Variants in CPSF2 observed in about 807,000 individuals in gnomAD.
CPSF2 encodes cleavage and polyadenylation specificity factor subunit 2.
A neutral mutation model predicts 84.2 loss-of-function variants in CPSF2; 51 were observed. The ratio of observed to expected loss-of-function variants is 0.61; its 90% CI spans 0.48 to 0.77. CPSF2 has a LOEUF of 0.77. Ranked by LOEUF, CPSF2 falls within the 30% of genes least tolerant of loss-of-function variation. CPSF2 has a pLI of 0.00. For synonymous variants in CPSF2, 286 were observed against 311.9 expected (o/e 0.92, Z 0.87); for missense variants, 641 against 929.4 (o/e 0.69, Z 4.03).
At chr14:92,122,613 A>G (rs1378825299) in intron 1 of CPSF2, among the ~76,000 whole-genome samples, 1 of 152,202 alleles carries the variant, frequency 6.6e-6, no homozygotes, top group Non-Finnish European at 1.5e-5. Flanking sequence ...ACCACACTGT[A>G]CTAAAAGGGT....
intron 6 of CPSF2, among the ~76,000 whole-genome samples, chr14:92,136,508 C>T (rs940452475): frequency 1.5e-4 from 23 of 152,120 alleles, no homozygotes; most frequent in African/African-American, 5.6e-4. Context: ...TGTGATTAGA[C>T]ACATCTGAAG....
rs1178469522 is a variant in CPSF2, at chr14:92,161,914, A to C, written c.*170A>C. The C allele has an allele frequency of 4.0e-6, 2 of 502,114 alleles. No homozygotes were observed. The highest frequency in any genetic ancestry group is 6.9e-6 in the Non-Finnish European group (2 of 290,678). The allele number at this position is 502,114 out of a possible 1,614,324, so 31.1% of individuals were successfully genotyped here. Reference sequence around the variant, plus strand: ...AATAGAGAACATTTTGCAAATGCTCAAATGAGCATTCTATCTTTTGGCTTT... The same window carrying C: ...AATAGAGAACATTTTGCAAATGCTCCAATGAGCATTCTATCTTTTGGCTTT... On this transcript the variant is annotated 3_prime_UTR_variant, in exon 16 of 16. Coordinates refer to ENST00000298875, the MANE Select transcript of CPSF2 (RefSeq NM_017437.3).
intron 9 of CPSF2, among the ~76,000 whole-genome samples, chr14:92,147,384 A>G (rs1048242423): frequency 6.6e-6 from 1 of 152,248 alleles, no homozygotes; most frequent in Non-Finnish European, 1.5e-5. Context: ...GATTTGGATT[A>G]GAAAAAGGAG....
At chr14:92,151,975 C>A in intron 9 of CPSF2, among the ~76,000 whole-genome samples, 1 of 147,876 alleles carries the variant, frequency 6.8e-6, no homozygotes. Context: ...TGCACCACTG[C>A]ACTCCAGCCT....
rs534461005 is a variant in CPSF2, at chr14:92,157,895, C to T, written c.1821+11C>T. 6.4e-7 allele frequency: 1 copy of T among 1,574,274 alleles called. No individual in the cohort carries two copies. The highest frequency in any genetic ancestry group is 2.2e-5 in the East Asian group (1 of 44,660). ...ACTCACATCTACCAGGTAAACATGCCAGGAGTTGCCATTGAGTAGAAATAA... is the reference window on the plus strand; with the variant it reads ...ACTCACATCTACCAGGTAAACATGCTAGGAGTTGCCATTGAGTAGAAATAA... On this transcript the variant is annotated intron_variant, in intron 13 of 15. Transcript: ENST00000298875. This position sits in a 1 kb window ranked among gnomAD's most constrained non-coding sequence, Gnocchi z 4.0.
chr14:92,137,027 A>C (rs2069009071), intron 6 of CPSF2, among the ~76,000 whole-genome samples: 1 of 151,990 alleles, frequency 6.6e-6, no homozygotes, highest in Non-Finnish European at 1.5e-5. Context: ...AAATAAAAAA[A>C]AAAATCAAAG....
intron 1 of CPSF2, among the ~76,000 whole-genome samples, chr14:92,122,644 C>CCATCGCCCTCCT (rs1567013525): frequency 1.4e-3 from 212 of 152,292 alleles, no homozygotes; most frequent in African/African-American, 4.7e-3. Context: ...CGCGCCCTCC[C>CCATCGCCCTCCT]GCCATCGCCC....
chr14:92,150,689 G>A (rs551896366), intron 9 of CPSF2, among the ~76,000 whole-genome samples: 1 of 152,252 alleles, frequency 6.6e-6, no homozygotes, highest in African/African-American at 2.4e-5. Context: ...CTCCCAAAGT[G>A]CTAGAATTAC....
chr14:92,167,020 T>C lies in CPSF2; in HGVS notation c.*5276T>C, dbSNP rs1246581744. The C allele has an allele frequency of 6.7e-6, 1 of 150,354 alleles. No homozygotes were observed. Among genetic ancestry groups the C allele is most frequent in the Non-Finnish European group, 1.5e-5 (1 of 67,604 alleles). 9.3% of individuals were successfully genotyped at this position (150,354 alleles called of 1,614,324 possible). A position where few individuals can be genotyped will look rare whatever the true frequency, so the allele number is the denominator to read the frequency against. On this transcript the variant is annotated 3_prime_UTR_variant, in exon 16 of 16. Coordinates refer to ENST00000298875, the MANE Select transcript of CPSF2 (RefSeq NM_017437.3). ...TTATCGATTTCTTTTTTTTCTTTTT[T>C]TTTTTTTTTGAGATAGCATCTTGCT...
At chr14:92,134,191 A>C (rs765469633) in intron 4 of CPSF2, 21 bp downstream of exon 4, 3 of 1,613,182 alleles carry the variant, frequency 1.9e-6, no homozygotes, top group Non-Finnish European at 2.5e-6. Context: ...CAATTAAAAA[A>C]ATTTTGTTAG....
At chr14:92,145,575 A>C (rs886649031) in intron 9 of CPSF2, among the ~76,000 whole-genome samples, 2 of 152,238 alleles carry the variant, frequency 1.3e-5, no homozygotes, top group Non-Finnish European at 2.9e-5. Flanking sequence ...AAGTATAGCA[A>C]AGTAAAATGG....
In CPSF2 at chr14:92,166,607, TG is replaced by T. The variant is rs778495181; in HGVS notation, c.*4864del. The T allele has an allele frequency of 3.9e-5, 6 of 152,122 alleles. 1 individual carries two copies. The highest frequency in any genetic ancestry group is 8.8e-5 in the Non-Finnish European group (6 of 68,010). 9.4% of individuals were successfully genotyped at this position (152,122 alleles called of 1,614,324 possible). ...ACTCAAACAATACTCCCACTTTGGC[TG>T]CCCAAAGTGCTGGGATTACAGGCAT... On this transcript the variant is annotated 3_prime_UTR_variant, in exon 16 of 16. Coordinates refer to ENST00000298875, the MANE Select transcript of CPSF2 (RefSeq NM_017437.3).
At chr14:92,126,014 C>T (rs2068841767) in intron 1 of CPSF2, 108 bp from the exon 2 acceptor site, 1 of 152,170 alleles carries the variant, frequency 6.6e-6, no homozygotes, top group Admixed American at 6.5e-5. Context: ...TATTATACTA[C>T]TTGCTGCTGC....
At chr14:92,123,286 G>T (rs2068801843) in intron 1 of CPSF2, among the ~76,000 whole-genome samples, 1 of 151,146 alleles carries the variant, frequency 6.6e-6, no homozygotes, top group South Asian at 2.1e-4. Context: ...GCACCACCAC[G>T]CCCACCTATT....
intron 3 of CPSF2, among the ~76,000 whole-genome samples, chr14:92,132,641 G>A (rs549045094): frequency 1.3e-5 from 2 of 151,308 alleles, no homozygotes; most frequent in Non-Finnish European, 2.9e-5. Flanking sequence ...GCATGGTGGT[G>A]CATGCCTGTA....
At chr14:92,133,839 G>A (rs1017124956) in intron 3 of CPSF2, among the ~76,000 whole-genome samples, 172 bp from the exon 4 acceptor site, 10 of 152,092 alleles carry the variant, frequency 6.6e-5, no homozygotes, top group Non-Finnish European at 1.5e-5. Context: ...TGTAGCTATG[G>A]AGAGCACAGG....
chr14:92,158,210 G>T (rs565072978), intron 13 of CPSF2, among the ~76,000 whole-genome samples: 10 of 152,304 alleles, frequency 6.6e-5, no homozygotes, highest in African/African-American at 1.2e-4. Context: ...AGTAGGAAAG[G>T]GGGGGAAGAG....
chr14:92,142,059 T>G, intron 7 of CPSF2, 105 bp from the exon 8 acceptor site: 1 of 921,220 alleles, frequency 1.1e-6, no homozygotes, highest in South Asian at 2.5e-5. Context: ...GTTGCTTATT[T>G]GTAAATTATA....
chr14:92,171,161 C>G lies in CPSF2; in HGVS notation c.*9417C>G, dbSNP rs1428547732. ...TTTTCTTTTGAGACAGTGTCTTGCT[C>G]TGTTGCCCAGGCTACAGTGCAGTGA... On this transcript the variant is annotated 3_prime_UTR_variant, in exon 16 of 16. Transcript: ENST00000298875. 2.0e-5 allele frequency: 3 copies of G among 152,104 alleles called. No homozygotes were observed. Among genetic ancestry groups the G allele is most frequent in the Admixed American group, 1.3e-4 (2 of 15,254 alleles). 9.4% of individuals were successfully genotyped at this position (152,104 alleles called of 1,614,324 possible).
Sources: gnomAD v4.1 joint callset for allele counts (sites outside exome capture counted in the v4.1 genomes callset) on GRCh38, gnomAD v4.1.1 for gene constraint, Gnocchi (gnomAD v3.1) non-coding constraint, MANE v1.5 for transcripts, NCBI Gene and HGNC (gene_info 2026-07-23, HGNC 2026-07-21) for gene names.